The following PAN2 variants were observed in gnomAD, a reference collection of about 807,000 sequenced individuals.
The protein encoded by PAN2 is PAN2-PAN3 deadenylation complex catalytic subunit PAN2.
Under a neutral mutation model 133.3 loss-of-function variants are expected in PAN2, and 68 were observed. That is an observed-to-expected ratio of 0.51 (90% CI 0.42 to 0.62). The LOEUF (loss-of-function observed/expected upper bound fraction) is 0.62, where lower values mean the gene tolerates loss of function less well. Among genes scored for constraint, PAN2 ranks in the 20% least tolerant of loss-of-function variants. PAN2 has a pLI of 0.00. For synonymous variants in PAN2, 462 were observed against 544.6 expected (o/e 0.85, Z 2.11); for missense variants, 1,042 against 1,500.5 (o/e 0.69, Z 5.05).
chr12:56,323,664 T>C (rs1406816642), intron 14 of PAN2, 66 bp from the exon 15 acceptor site: 14 of 1,501,868 alleles, frequency 9.3e-6, no homozygotes, highest in Non-Finnish European at 1.3e-5. Flanking sequence ...GACAGGGACC[T>C]GGGTCTGCGT....
chr12:56,324,854 G>T, intron 10 of PAN2, 145 bp from the exon 11 acceptor site: 1 of 1,360,320 alleles, frequency 7.4e-7, no homozygotes, highest in Non-Finnish European at 1.0e-6. Context: ...GGAGCTCAGA[G>T]GAGACTTGAA....
Position 56,319,503 on chromosome 12 carries a change from A to C in PAN2, c.3091-16T>G, listed in dbSNP as rs1276204898. On this transcript the variant is annotated splice_polypyrimidine_tract_variant and intron_variant, in intron 22 of 25. Transcript: ENST00000440411. The surrounding 1 kb of genome is among the most constrained non-coding windows in gnomAD (Gnocchi z 5.4). ...AATCCACCACCTAGGAATAGAGAAA[A>C]GGACAAGCCTTTTTCAGGAAGTGAG... The C allele has an allele frequency of 6.2e-7, 1 of 1,606,092 alleles. No individual in the cohort carries two copies. The highest frequency in any genetic ancestry group is 2.2e-5 in the East Asian group (1 of 44,786).
intron 12 of PAN2, 46 bp downstream of exon 12, chr12:56,324,248 G>A: frequency 5.0e-6 from 8 of 1,610,754 alleles, no homozygotes; most frequent in Non-Finnish European, 6.8e-6. Flanking sequence ...AAATCACAGA[G>A]GGGCCTGTCA....
At position 56,318,378 on chromosome 12, in the gene PAN2, G is replaced by A; in HGVS notation, c.3421C>T (p.Gln1141Ter). The change falls in exon 25 of 26, where the codon CAG (glutamine) becomes TAG (stop). Residue 1141 changes from glutamine (Q) to a stop codon, truncating the protein, a stop_gained. Transcript: ENST00000440411. LOFTEE classifies it high-confidence loss of function. ...DSIEDARTAL[Q>*]LYRKYLELSK... ...AGCTCCAGATACTTTCGGTACAGCT[G>A]AAGGGCTGTGCGGGCATCCTCAATA... 1 of 1,613,964 alleles carries A rather than the reference G, an allele frequency of 6.2e-7. No homozygotes were observed.
intron 2 of PAN2, 70 bp from the exon 3 acceptor site, chr12:56,328,711 G>C: frequency 7.8e-7 from 1 of 1,288,082 alleles, no homozygotes; most frequent in Non-Finnish European, 1.1e-6. Context: ...CCAGGTCAGG[G>C]ACTGAACATG....
In PAN2 at chr12:56,319,257, C is replaced by T; in HGVS notation, c.3270+51G>A. The T allele has an allele frequency of 1.9e-6, 3 of 1,612,308 alleles. No individual in the cohort carries two copies. The South Asian group carries it at 3.3e-5, about 18-fold the overall frequency. On this transcript the variant is annotated intron_variant, in intron 23 of 25. Coordinates refer to ENST00000440411, the MANE Select transcript of PAN2 (RefSeq NM_014871.6). This position sits in a 1 kb window ranked among gnomAD's most constrained non-coding sequence, Gnocchi z 5.4. Reference sequence around the variant, plus strand: ...CCATTCTCTAAAGGCACAATGTATACCCTGAGGGGCCCACTCTCACAAGAA... The same window carrying T: ...CCATTCTCTAAAGGCACAATGTATATCCTGAGGGGCCCACTCTCACAAGAA...
At position 56,326,679 on chromosome 12, in the gene PAN2, G is replaced by C. The variant is rs769453710; in HGVS notation, c.1200C>G (p.Val400=). The C allele has an allele frequency of 1.9e-6, 3 of 1,614,096 alleles. No individual in the cohort carries two copies. In the South Asian group the frequency reaches 3.3e-5, roughly 18 times the overall value. ...AGAGAAGTGTGTCAGTGGTGAGTGG[G>C]ACAGGGATGAGGGAAAGAGGCAGCA... ...QDLLPLSLIP[V]PLTTDTLLSD... The change falls in exon 7 of 26, where the codon GTC becomes GTG. Residue 400 remains valine (V), a synonymous_variant. Transcript: ENST00000440411.
chr12:56,325,224 C>A (rs1874980470), intron 9 of PAN2, 96 bp from the exon 10 acceptor site: 3 of 1,579,338 alleles, frequency 1.9e-6, no homozygotes, highest in South Asian at 1.2e-5. Flanking sequence ...CCTCCTGGGT[C>A]CAGGGTGGTA....
Position 56,328,265 on chromosome 12 carries a change from A to C in PAN2, c.546T>G (p.Asp182Glu). 6.2e-7 allele frequency: 1 copy of C among 1,605,636 alleles called. No homozygotes were observed. Among genetic ancestry groups the C allele is most frequent in the Non-Finnish European group, 8.5e-7 (1 of 1,175,582 alleles). ...TCTGAGTCTCCTGGACAGTGTTAAG[A>C]TCAATCTCTATTATGTGATTCTGCA... ...GGLQNHIIEI[D>E]LNTVQETQKY... The change falls in exon 4 of 26, where the codon GAT (aspartate) becomes GAG (glutamate). Residue 182 changes from aspartate (D) to glutamate (E), a missense_variant. Around this residue, in one of 3 missense-constraint regions of PAN2, gnomAD observed 908 missense variants for 1,223.5 expected, o/e 0.74. Coordinates refer to ENST00000440411, the MANE Select transcript of PAN2 (RefSeq NM_014871.6).
intron 18 of PAN2, 21 bp downstream of exon 18, chr12:56,322,594 G>C: frequency 6.2e-7 from 1 of 1,613,918 alleles, no homozygotes; most frequent in South Asian, 1.1e-5. Flanking sequence ...GAGTGTTCCT[G>C]CCCTCTACAA....
At position 56,327,622 on chromosome 12, in the gene PAN2, T is replaced by G. The variant is rs1207684697; in HGVS notation, c.661A>C (p.Arg221=). The change falls in exon 6 of 26, where the codon AGA becomes CGA. Residue 221 remains arginine (R), a synonymous_variant. Coordinates refer to ENST00000440411, the MANE Select transcript of PAN2 (RefSeq NM_014871.6). ...TCCACCTTAAAAGTACGGAGGTCTCTCAGGGAAACCTAGAAAAAAAAAATT... is the reference window on the plus strand; with the variant it reads ...TCCACCTTAAAAGTACGGAGGTCTCGCAGGGAAACCTAGAAAAAAAAAATT... ...CGHTSGKVSL[R]DLRTFKVEHE... is the part of the protein sequence containing the mutation. The G allele has an allele frequency of 1.2e-6, 2 of 1,612,100 alleles. No individual in the cohort carries two copies. Among genetic ancestry groups the G allele is most frequent in the East Asian group, 2.2e-5 (1 of 44,846 alleles).
At position 56,328,698 on chromosome 12, in the gene PAN2, C is replaced by T. The variant is rs758101314; in HGVS notation, c.283-57G>A. On this transcript the variant is annotated intron_variant, in intron 2 of 25. Transcript: ENST00000440411. ...GAGTGGAGGGGCAAGGGCCACCCTA[C>T]GGCCAGGTCAGGGACTGAACATGGC... 20 of 1,470,282 alleles carry T rather than the reference C, an allele frequency of 1.4e-5. No individual in the cohort carries two copies. In the African/African-American group the frequency reaches 1.8e-4, roughly 13 times the overall value. 91.1% of individuals were successfully genotyped at this position (1,470,282 alleles called of 1,614,324 possible). A position where few individuals can be genotyped will look rare whatever the true frequency, so the allele number is the denominator to read the frequency against.
Position 56,324,078 on chromosome 12 carries a change from G to C in PAN2, c.2036C>G (p.Thr679Ser). ...AGGGTAGGAGAGTGTGAAAAGCAGAGTGGATGAGGCTCGCACGGTCTCACT... is the reference window on the plus strand; with the variant it reads ...AGGGTAGGAGAGTGTGAAAAGCAGACTGGATGAGGCTCGCACGGTCTCACT... The part of the protein sequence containing the change: ...CGSETVRASS[T>S]LLFTLSYPDD... Residue 679 changes from threonine to serine, a missense_variant, in exon 13 of 26, where the codon ACT (threonine) becomes AGT (serine). Around this residue, in one of 3 missense-constraint regions of PAN2, gnomAD observed 908 missense variants for 1,223.5 expected, o/e 0.74. Transcript: ENST00000440411. 1 of 1,614,226 alleles carries C rather than the reference G, an allele frequency of 6.2e-7. No homozygotes were observed.
In PAN2 at chr12:56,319,279, A is replaced by C. The variant is rs778742928; in HGVS notation, c.3270+29T>G. 1 of 1,611,734 alleles carries C rather than the reference A, an allele frequency of 6.2e-7. No individual in the cohort carries two copies. The highest frequency in any genetic ancestry group is 1.1e-5 in the South Asian group (1 of 90,924). On this transcript the variant is annotated intron_variant, in intron 23 of 25. Transcript: ENST00000440411. The surrounding 1 kb of genome is among the most constrained non-coding windows in gnomAD (Gnocchi z 5.4). ...ATACCCTGAGGGGCCCACTCTCACAAGAAGACTCTTAAAAGAGCCCTGCCA... is the reference window on the plus strand; with the variant it reads ...ATACCCTGAGGGGCCCACTCTCACACGAAGACTCTTAAAAGAGCCCTGCCA...
rs1262398948 is a variant in PAN2, at chr12:56,328,659, A to G, written c.283-18T>C. ...GCATGGCCCTATAGAGGACAAAGAC[A>G]ACAGAGACACTTAGAGTGGAGGGGC... On this transcript the variant is annotated intron_variant, in intron 2 of 25. Coordinates refer to ENST00000440411, the MANE Select transcript of PAN2 (RefSeq NM_014871.6). The G allele has an allele frequency of 1.9e-6, 3 of 1,611,892 alleles. No homozygotes were observed. The highest frequency in any genetic ancestry group is 2.5e-6 in the Non-Finnish European group (3 of 1,178,552).
At chr12:56,325,575 A>C (rs2135976198) in intron 8 of PAN2, 121 bp from the exon 9 acceptor site, 9 of 1,026,092 alleles carry the variant, frequency 8.8e-6, no homozygotes, top group East Asian at 2.4e-5. Flanking sequence ...TAGCACTCTC[A>C]GCATCCGCTG....
At position 56,322,431 on chromosome 12, in the gene PAN2, T is replaced by C. The variant is rs1216470039; in HGVS notation, c.2689A>G (p.Ile897Val). 3.7e-6 allele frequency: 6 copies of C among 1,610,422 alleles called. No individual in the cohort carries two copies. Among genetic ancestry groups the C allele is most frequent in the Admixed American group, 3.3e-5 (2 of 59,992 alleles). Residue 897 changes from isoleucine (I) to valine (V), a missense_variant, in exon 19 of 26, where the codon ATT becomes GTT. This residue lies in a region of PAN2 where 908 missense variants were observed against 1,223.5 expected (regional missense o/e 0.74). Transcript: ENST00000440411. ...AACATGTTGCAACTAACCTTATCAA[T>C]AGGTTCAATAAGAAAGTCATTGAAC... The part of the protein sequence containing the change: ...YLFNDFLIEP[I>V]DKHEAVQFDM...
At position 56,328,355 on chromosome 12, in the gene PAN2, C is replaced by T. The variant is rs1176535989; in HGVS notation, c.456G>A (p.Leu152=). Residue 152 remains leucine (L), a synonymous_variant, in exon 4 of 26, where the codon CTG becomes CTA. Coordinates refer to ENST00000440411, the MANE Select transcript of PAN2 (RefSeq NM_014871.6). ...GACTGTGCATATCCTCATTCTCATC[C>T]AGCCTGGTGGGGAGAGGAAAGGCTA... ...RGGLIIFDYL[L]DENEDMHSLL... The T allele has an allele frequency of 6.3e-7, 1 of 1,596,072 alleles. No homozygotes were observed. The highest frequency in any genetic ancestry group is 1.7e-5 in the Admixed American group (1 of 57,636).
chr12:56,326,628 A>G lies in PAN2; in HGVS notation c.1251T>C (p.Ala417=), dbSNP rs1405343046. The G allele has an allele frequency of 6.2e-7, 1 of 1,612,244 alleles. No individual in the cohort carries two copies. The highest frequency in any genetic ancestry group is 1.3e-5 in the African/African-American group (1 of 74,916). ...AGGTAGGGTACAACCTGGGAGCTGG[A>G]GCAGAGTTGGCAGCAGGCCAATCAG... ...LLSDWPAANS[A]PAPRRAPPVD... is the part of the protein sequence containing the mutation. Residue 417 remains alanine (A), a synonymous_variant, in exon 7 of 26, where the codon GCT becomes GCC. Coordinates refer to ENST00000440411, the MANE Select transcript of PAN2 (RefSeq NM_014871.6).
Sources: gnomAD v4.1 joint callset for allele counts on GRCh38, gnomAD v4.1.1 for gene constraint, gnomAD v4.1.1 regional missense constraint, Gnocchi (gnomAD v3.1) non-coding constraint, MANE v1.5 for transcripts, NCBI Gene and HGNC (gene_info 2026-07-23, HGNC 2026-07-21) for gene names.